The following LAMA1 variants were observed in gnomAD, a reference collection of about 807,000 sequenced individuals.
The protein encoded by LAMA1 is laminin subunit alpha 1.
In LAMA1, 219 loss-of-function variants were observed where a neutral mutation model predicts 348.7. The ratio of observed to expected loss-of-function variants is 0.63; its 90% CI spans 0.56 to 0.70. The LOEUF (loss-of-function observed/expected upper bound fraction) is 0.70. Among genes scored for constraint, LAMA1 ranks in the 30% least tolerant of loss-of-function variants. The pLI, the probability that LAMA1 is intolerant of heterozygous loss-of-function variation, is 0.00. For missense variants in LAMA1, 3,744 were observed against 3,888.0 expected (o/e 0.96, Z 0.99); for synonymous variants, 1,487 against 1,491.0 (o/e 1.00, Z 0.06).
At chr18:6,944,517 G>A (rs1177591811) in intron 61 of LAMA1, among the ~76,000 whole-genome samples, 1 of 152,158 alleles carries the variant, frequency 6.6e-6, no homozygotes, top group Admixed American at 6.5e-5. Context: ...TTTGAAGATG[G>A]AGCTTTTAAA....
intron 19 of LAMA1, among the ~76,000 whole-genome samples, chr18:7,022,246 G>A (rs496803): frequency 0.34 from 52,325 of 151,942 alleles, 9,866 homozygotes; most frequent in African/African-American, 0.5. Flanking sequence ...ATGAATGAAC[G>A]GAGGAATGAA....
At chr18:7,008,226 G>A (rs1568028486) in intron 28 of LAMA1, among the ~76,000 whole-genome samples, 1 of 152,098 alleles carries the variant, frequency 6.6e-6, no homozygotes, top group African/African-American at 2.4e-5. Context: ...CGTTTCGGAT[G>A]ATAAAAAGTT....
intron 61 of LAMA1, among the ~76,000 whole-genome samples, chr18:6,946,741 T>C (rs1234113697): frequency 4.6e-5 from 7 of 152,078 alleles, no homozygotes; most frequent in African/African-American, 1.7e-4. Context: ...AAATGCATAG[T>C]GCTACCACTG....
chr18:7,088,508 TTTATTA>T (rs538385541), intron 1 of LAMA1, among the ~76,000 whole-genome samples: 1 of 151,920 alleles, frequency 6.6e-6, no homozygotes, highest in African/African-American at 2.4e-5. Flanking sequence ...TAAAAAATTA[TTTATTA>T]TTATTATTAT....
chr18:7,038,421 C>G (rs925781615), intron 11 of LAMA1, among the ~76,000 whole-genome samples: 26 of 152,182 alleles, frequency 1.7e-4, no homozygotes, highest in African/African-American at 5.1e-4. Context: ...ACTGGAGGGC[C>G]TCCTACTCCT....
chr18:7,114,032 G>A (rs1010321846), intron 1 of LAMA1, among the ~76,000 whole-genome samples: 9 of 149,208 alleles, frequency 6.0e-5, no homozygotes, highest in Admixed American at 1.4e-4. Flanking sequence ...AGCCGAGATC[G>A]TGCCACTGCA....
At chr18:7,103,100 G>T (rs896544033) in intron 1 of LAMA1, among the ~76,000 whole-genome samples, 1 of 152,166 alleles carries the variant, frequency 6.6e-6, no homozygotes, top group Non-Finnish European at 1.5e-5. Flanking sequence ...GCTTGTTCCT[G>T]ACCTTGTATT....
chr18:7,113,461 T>C (rs1266298735), intron 1 of LAMA1, among the ~76,000 whole-genome samples: 1 of 152,018 alleles, frequency 6.6e-6, no homozygotes, highest in Non-Finnish European at 1.5e-5. Context: ...ACTTATAGGG[T>C]GGGCCCTGGA....
intron 62 of LAMA1, among the ~76,000 whole-genome samples, chr18:6,942,562 C>T (rs1380115259): frequency 2.0e-5 from 3 of 151,904 alleles, no homozygotes; most frequent in Non-Finnish European, 2.9e-5. Context: ...TACAGGCACC[C>T]GTCACCACGT....
intron 42 of LAMA1, among the ~76,000 whole-genome samples, chr18:6,979,549 A>C (rs2057698653): frequency 6.6e-6 from 1 of 152,208 alleles, no homozygotes; most frequent in African/African-American, 2.4e-5. Flanking sequence ...AAAGAACAAA[A>C]GAGAAGTTTG....
intron 21 of LAMA1, 55 bp from the exon 22 acceptor site, chr18:7,015,913 A>G: frequency 1.2e-6 from 2 of 1,602,424 alleles, no homozygotes; most frequent in Non-Finnish European, 8.5e-7. Flanking sequence ...TTAAAGGGCT[A>G]AGAGCTGATG....
intron 1 of LAMA1, among the ~76,000 whole-genome samples, chr18:7,085,419 T>A (rs967827383): frequency 1.4e-5 from 2 of 139,384 alleles, no homozygotes; most frequent in African/African-American, 5.4e-5. Flanking sequence ...TCTTCTTTTT[T>A]TTTTTTTTTT....
intron 3 of LAMA1, among the ~76,000 whole-genome samples, chr18:7,062,109 G>A (rs2058104348): frequency 6.6e-6 from 1 of 152,238 alleles, no homozygotes; most frequent in Admixed American, 6.5e-5. Flanking sequence ...CAGGGACTAA[G>A]CCAGGTGCCA....
At chr18:6,999,200 ACT>A (rs1255423669) in intron 32 of LAMA1, among the ~76,000 whole-genome samples, 1 of 152,196 alleles carries the variant, frequency 6.6e-6, no homozygotes, top group African/African-American at 2.4e-5. Context: ...AGTTGAAATC[ACT>A]GTGCTGCTCT....
At chr18:6,997,405 A>T (rs1235718006) in intron 33 of LAMA1, among the ~76,000 whole-genome samples, 1 of 152,252 alleles carries the variant, frequency 6.6e-6, no homozygotes, top group South Asian at 2.1e-4. Context: ...GCTGTTTGCA[A>T]ATACCCAAAG....
intron 39 of LAMA1, among the ~76,000 whole-genome samples, chr18:6,983,675 T>G (rs1322986517): frequency 6.6e-6 from 1 of 152,148 alleles, no homozygotes; most frequent in Admixed American, 6.5e-5. Context: ...ATCTTATCCC[T>G]CTAATGGCAT....
Position 6,979,830 on chromosome 18 carries a change from C to T in LAMA1, c.6007+691G>A, listed in dbSNP as rs183539209. On this transcript the variant is annotated intron_variant, in intron 42 of 62. Coordinates refer to ENST00000389658, the MANE Select transcript of LAMA1 (RefSeq NM_005559.4). ...AGGAGAATGGTGTGAACCCGGGGGGCGGAGCTTGCAGTGAGCCAAGATCGC... is the reference window on the plus strand; with the variant it reads ...AGGAGAATGGTGTGAACCCGGGGGGTGGAGCTTGCAGTGAGCCAAGATCGC... 3.8e-3 allele frequency among the ~76,000 whole-genome samples: 575 copies of T among 152,050 alleles called. 2 individuals are homozygous for T. The highest frequency in any genetic ancestry group is 9.7e-3 in the African/African-American group (402 of 41,384).
At chr18:7,098,261 CG>C (rs2058271474) in intron 1 of LAMA1, among the ~76,000 whole-genome samples, 1 of 152,172 alleles carries the variant, frequency 6.6e-6, no homozygotes, top group Admixed American at 6.5e-5. Flanking sequence ...AGCCTCTGCC[CG>C]GCTGCCACCC....
chr18:6,963,667 C>T (rs555756449), intron 51 of LAMA1, among the ~76,000 whole-genome samples: 1 of 152,226 alleles, frequency 6.6e-6, no homozygotes, highest in Non-Finnish European at 1.5e-5. Context: ...TTGCTAACCA[C>T]TACGCTGAAT....
Sources: gnomAD v4.1 joint callset for allele counts (sites outside exome capture counted in the v4.1 genomes callset) on GRCh38, gnomAD v4.1.1 for gene constraint, MANE v1.5 for transcripts, NCBI Gene and HGNC (gene_info 2026-07-23, HGNC 2026-07-21) for gene names.